Variants in C20orf203 observed in about 807,000 individuals in gnomAD.
C20orf203 encodes chromosome 20 open reading frame 203, also known as uncharacterized protein C20orf203.
C20orf203 carries 16 observed loss-of-function variants against 15.9 expected under a neutral mutation model. The ratio of observed to expected loss-of-function variants is 1.01; its 90% CI spans 0.68 to 1.53. The LOEUF (loss-of-function observed/expected upper bound fraction) is 1.53. Ranked by LOEUF, C20orf203 falls within the 40% of genes most tolerant of loss-of-function variation. The pLI is 0.00. For synonymous variants in C20orf203, 98 were observed against 97.2 expected (o/e 1.01, Z -0.05); for missense variants, 263 against 247.5 (o/e 1.06, Z -0.42).
rs79290071 is a variant in C20orf203, at chr20:32,650,906, A to T, written c.136-25T>A. Reference sequence around the variant, plus strand: ...CCTGTTGGGAACAAGGCCCCCAAGAAGATCATAGAATCTTAGTACCTGAGA... The same window carrying T: ...CCTGTTGGGAACAAGGCCCCCAAGATGATCATAGAATCTTAGTACCTGAGA... On this transcript the variant is annotated intron_variant, in intron 3 of 5. Coordinates refer to ENST00000608990, the MANE Select transcript of C20orf203 (RefSeq NM_182584.4). The T allele has an allele frequency of 3.8e-3, 5,472 of 1,445,142 alleles. 192 individuals carry two copies. The African/African-American group carries it at 0.069, about 18-fold the overall frequency. The allele number at this position is 1,445,142 out of a possible 1,614,324, so 89.5% of individuals were successfully genotyped here.
chr20:32,642,315 G>A (rs1182263747), intron 4 of C20orf203, among the ~76,000 whole-genome samples: 2 of 152,214 alleles, frequency 1.3e-5, no homozygotes, highest in Admixed American at 6.5e-5. Flanking sequence ...CTGAGCAGGT[G>A]GAAGAGTAAG....
intron 1 of C20orf203, among the ~76,000 whole-genome samples, chr20:32,661,893 G>A (rs1235595974): frequency 2.0e-5 from 3 of 152,194 alleles, no homozygotes; most frequent in Non-Finnish European, 4.4e-5. Flanking sequence ...TCAGCTCATA[G>A]GTAGCACTAG....
At chr20:32,641,350 A>T (rs1004264472) in intron 4 of C20orf203, among the ~76,000 whole-genome samples, 1 of 151,878 alleles carries the variant, frequency 6.6e-6, no homozygotes, top group Non-Finnish European at 1.5e-5. Flanking sequence ...AAAAAAAAAA[A>T]AAAGGAAGAA....
At position 32,650,677 on chromosome 20, in the gene C20orf203, T is replaced by A; in HGVS notation, c.340A>T (p.Lys114Ter). The A allele has an allele frequency of 6.5e-7, 1 of 1,549,462 alleles. No homozygotes were observed. Among genetic ancestry groups the A allele is most frequent in the Non-Finnish European group, 8.7e-7 (1 of 1,146,556 alleles). Residue 114 changes from lysine (K) to a stop codon, truncating the protein, a stop_gained, in exon 4 of 6, where the codon AAG becomes TAG. Transcript: ENST00000608990. LOFTEE classifies it high-confidence loss of function. ...WGEVGGLRLS[K>*]VGRRDREVGR... is the part of the protein sequence containing the mutation. ...ACTTCCCTATCTCTCCGACCCACCT[T>A]GCTGAGCCTGAGGCCTCCAACTTCC...
At chr20:32,651,216 G>T in intron 2 of C20orf203, 50 bp from the exon 3 acceptor site, 1 of 487,718 alleles carries the variant, frequency 2.1e-6, no homozygotes, top group Non-Finnish European at 3.5e-6. Context: ...GTTGGCTTGC[G>T]CCTGAGGGTT....
intron 5 of C20orf203, among the ~76,000 whole-genome samples, chr20:32,639,554 T>A (rs1448680524): frequency 6.6e-6 from 1 of 150,604 alleles, no homozygotes; most frequent in Non-Finnish European, 1.5e-5. Context: ...GGCTGGAGGA[T>A]CGCTTGAGCA....
intron 1 of C20orf203, among the ~76,000 whole-genome samples, chr20:32,662,385 T>C (rs796828034): frequency 1.1e-4 from 17 of 152,254 alleles, no homozygotes; most frequent in African/African-American, 3.8e-4. Context: ...GCAGATCACC[T>C]GAGGTCCAGA....
At chr20:32,653,479 G>C (rs1982687590) in intron 1 of C20orf203, among the ~76,000 whole-genome samples, 1 of 152,150 alleles carries the variant, frequency 6.6e-6, no homozygotes, top group Non-Finnish European at 1.5e-5. Flanking sequence ...TGCCTCTAAA[G>C]CCTGGGGTTA....
intron 1 of C20orf203, among the ~76,000 whole-genome samples, chr20:32,671,514 C>CA (rs1300090433): frequency 6.6e-6 from 1 of 151,786 alleles, no homozygotes; most frequent in African/African-American, 2.4e-5. Flanking sequence ...AAAATAAAGA[C>CA]AAAAAAATTT....
At chr20:32,667,823 A>C (rs1314857902) in intron 1 of C20orf203, among the ~76,000 whole-genome samples, 1 of 152,108 alleles carries the variant, frequency 6.6e-6, no homozygotes, top group Admixed American at 6.6e-5. Context: ...GGCGCGTGCC[A>C]CCACACCCAG....
At chr20:32,658,851 C>T (rs1023140512) in intron 1 of C20orf203, among the ~76,000 whole-genome samples, 2 of 150,516 alleles carry the variant, frequency 1.3e-5, no homozygotes, top group Non-Finnish European at 2.9e-5. Flanking sequence ...GACCCCACTG[C>T]GGCTTCCCAG....
intron 5 of C20orf203, among the ~76,000 whole-genome samples, chr20:32,634,492 G>A (rs1049108007): frequency 6.6e-6 from 1 of 152,138 alleles, no homozygotes; most frequent in African/African-American, 2.4e-5. Context: ...CAGGGCTTCC[G>A]AGAATTTCAT....
In C20orf203 at chr20:32,633,772, C is replaced by A; in HGVS notation, c.*1798G>T. ...CCTGCCTCTGACTCCTCCGGCCAGT[C>A]GCCCTGACAGCCCCCTCACCGCGTT... On this transcript the variant is annotated 3_prime_UTR_variant, in exon 6 of 6. Transcript: ENST00000608990. The A allele has an allele frequency of 2.8e-6, 1 of 357,792 alleles. No individual in the cohort carries two copies. The allele number at this position is 357,792 out of a possible 1,614,324, so 22.2% of individuals were successfully genotyped here.
At chr20:32,666,155 TA>T (rs147487671) in intron 1 of C20orf203, among the ~76,000 whole-genome samples, 23,850 of 102,536 alleles carry the variant, frequency 0.23, 2,472 homozygotes, top group Middle Eastern at 0.28. Flanking sequence ...ATAAATAAAG[TA>T]AAAAAAAAAA....
chr20:32,658,808 C>T (rs1178514521), intron 1 of C20orf203, among the ~76,000 whole-genome samples: 4 of 151,634 alleles, frequency 2.6e-5, no homozygotes, highest in Admixed American at 6.6e-5. Flanking sequence ...CAGCGTCCTC[C>T]GGCCTTGGCG....
chr20:32,653,626 G>C (rs189223715), intron 1 of C20orf203, among the ~76,000 whole-genome samples: 1 of 152,116 alleles, frequency 6.6e-6, no homozygotes, highest in Non-Finnish European at 1.5e-5. Context: ...GTGAGAGATT[G>C]GGTGCTTTCC....
intron 1 of C20orf203, among the ~76,000 whole-genome samples, chr20:32,662,110 C>T (rs561054021): frequency 6.6e-6 from 1 of 152,320 alleles, no homozygotes; most frequent in South Asian, 2.1e-4. Context: ...GTACAGGCGA[C>T]GCAGGATGAT....
rs890731335 is a variant in C20orf203 at position 32,651,299 on chromosome 20, T to A, written c.-14-133A>T. The A allele has an allele frequency of 4.7e-5, 19 of 404,240 alleles. No homozygotes were observed. In the Middle Eastern group the frequency reaches 9.9e-3, roughly 210 times the overall value. 25.0% of individuals were successfully genotyped at this position (404,240 alleles called of 1,614,324 possible). A position where few individuals can be genotyped will look rare whatever the true frequency, so the allele number is the denominator to read the frequency against. On this transcript the variant is annotated intron_variant, in intron 2 of 5. Transcript: ENST00000608990. ...AGAAGGTTGAGGCCGTAGTGAGCCA[T>A]GATCGCCCCACTACACTCCAAAGTG...
At chr20:32,662,566 C>T (rs562983738) in intron 1 of C20orf203, among the ~76,000 whole-genome samples, 182 of 152,030 alleles carry the variant, frequency 1.2e-3, no homozygotes, top group African/African-American at 4.1e-3. Context: ...CCACTGCACT[C>T]CAGCCTGAGC....
Sources: gnomAD v4.1 joint callset for allele counts (sites outside exome capture counted in the v4.1 genomes callset) on GRCh38, gnomAD v4.1.1 for gene constraint, MANE v1.5 for transcripts, NCBI Gene and HGNC (gene_info 2026-07-23, HGNC 2026-07-21) for gene names.